Variants in NEMF observed in about 807,000 individuals in gnomAD.
NEMF encodes nuclear export mediator factor.
NEMF carries 89 observed loss-of-function variants against 162.2 expected under a neutral mutation model. The observed-to-expected ratio is 0.55, with a 90% confidence interval of 0.46 to 0.65. The LOEUF (loss-of-function observed/expected upper bound fraction) is 0.65, where lower values mean the gene tolerates loss of function less well. Among genes scored for constraint, NEMF ranks in the 30% least tolerant of loss-of-function variants. The pLI is 0.00. For missense variants in NEMF, 1,133 were observed against 1,261.9 expected (o/e 0.90, Z 1.55); for synonymous variants, 421 against 404.5 (o/e 1.04, Z -0.49).
At chr14:49,832,004 T>C (rs1234340749) in intron 10 of NEMF, 47 bp downstream of exon 10, 3 of 1,295,844 alleles carry the variant, frequency 2.3e-6, no homozygotes, top group Non-Finnish European at 3.2e-6. Context: ...TATCAACAGC[T>C]CATATCATGC....
intron 4 of NEMF, among the ~76,000 whole-genome samples, chr14:49,845,243 C>T (rs1172947037): frequency 6.6e-6 from 1 of 152,110 alleles, no homozygotes; most frequent in Non-Finnish European, 1.5e-5. Context: ...TAGGTGCCCG[C>T]CACCACGCCC....
At chr14:49,804,589 C>T (rs1594747801) in intron 19 of NEMF, among the ~76,000 whole-genome samples, 1 of 151,940 alleles carries the variant, frequency 6.6e-6, no homozygotes, top group Non-Finnish European at 1.5e-5. Flanking sequence ...TTGCTTGAAC[C>T]CAGGAGGCAG....
At chr14:49,842,485 G>A (rs1019767511) in intron 4 of NEMF, among the ~76,000 whole-genome samples, 30 of 152,292 alleles carry the variant, frequency 2.0e-4, no homozygotes, top group East Asian at 3.9e-4. Flanking sequence ...ATTTATTACT[G>A]ACAGTGAAGA....
intron 16 of NEMF, among the ~76,000 whole-genome samples, chr14:49,821,903 T>C (rs1892081105): frequency 6.6e-6 from 1 of 152,002 alleles, no homozygotes; most frequent in Non-Finnish European, 1.5e-5. Flanking sequence ...AGAAATTGGA[T>C]GGTTGCTGTG....
At position 49,813,749 on chromosome 14, in the gene NEMF, G is replaced by A. The variant is rs992672104; in HGVS notation, c.1744+239C>T. Among the ~76,000 whole-genome samples, 4 of 151,854 alleles carry A rather than the reference G, an allele frequency of 2.6e-5. No individual in the cohort carries two copies. In the South Asian group the frequency reaches 6.2e-4, roughly 24 times the overall value. On this transcript the variant is annotated intron_variant, in intron 18 of 32. Coordinates refer to ENST00000298310, the MANE Select transcript of NEMF (RefSeq NM_004713.6). The stretch of plus-strand genomic sequence containing the variant: ...GCTTTCTGTAGCTGGGACTACAGGT[G>A]CATGCCACTGCACCCAGCTTTTTAA...
chr14:49,829,077 T>G lies in NEMF; in HGVS notation c.1209A>C (p.Thr403=). Residue 403 remains threonine (T), a synonymous_variant, in exon 13 of 33, where the codon ACA becomes ACC. Coordinates refer to ENST00000298310, the MANE Select transcript of NEMF (RefSeq NM_004713.6). Reference sequence around the variant, plus strand: ...ACCTTAGCAGCATTGTAACATGGTTTGTTTGTAGTTTTAATTCTTTGATTG... The same window carrying G: ...ACCTTAGCAGCATTGTAACATGGTTGGTTTGTAGTTTTAATTCTTTGATTG... ...ASAIKELKLQ[T]NHVTMLLRNP... 5.0e-6 allele frequency: 8 copies of G among 1,614,114 alleles called. No homozygotes were observed. Among genetic ancestry groups the G allele is most frequent in the Non-Finnish European group, 6.8e-6 (8 of 1,179,950 alleles).
rs545544384 is a variant in NEMF at position 49,826,236 on chromosome 14, C to T, written c.1489-281G>A. On this transcript the variant is annotated intron_variant, in intron 15 of 32. Transcript: ENST00000298310. The stretch of plus-strand genomic sequence containing the variant: ...TAAATACCTTGTCATTTTCTAGATA[C>T]TGAGTACCTATCATATGCTTGGTTC... Among the ~76,000 whole-genome samples the T allele has an allele frequency of 8.5e-5, 13 of 152,210 alleles. No individual in the cohort carries two copies. The South Asian group carries it at 2.3e-3, about 27-fold the overall frequency.
chr14:49,810,107 G>T (rs990244353), intron 18 of NEMF, among the ~76,000 whole-genome samples: 6 of 152,090 alleles, frequency 3.9e-5, no homozygotes, highest in Non-Finnish European at 8.8e-5. Flanking sequence ...GGTGGCTCGT[G>T]CCTGTAATCC....
At position 49,782,563 on chromosome 14, in the gene NEMF, A is replaced by ATATT; in HGVS notation, c.*2069_*2072dup. On this transcript the variant is annotated 3_prime_UTR_variant, in exon 33 of 33. Transcript: ENST00000298310. ...TCAGGCACACAGTAATGAAATACTA[A>ATATT]TATTTTCAGTTCAACCAAAATCTCT... 17 of 1,607,750 alleles carry ATATT rather than the reference A, an allele frequency of 1.1e-5. No individual in the cohort carries two copies. The highest frequency in any genetic ancestry group is 1.4e-5 in the Non-Finnish European group (17 of 1,176,020).
chr14:49,850,205 T>C (rs1207565110), intron 3 of NEMF, among the ~76,000 whole-genome samples: 10 of 152,010 alleles, frequency 6.6e-5, no homozygotes, highest in Admixed American at 6.6e-4. Context: ...CAGGTTCAAG[T>C]GGTTCTCCTG....
intron 26 of NEMF, among the ~76,000 whole-genome samples, chr14:49,794,603 A>G (rs1425458169): frequency 2.7e-5 from 4 of 149,632 alleles, no homozygotes; most frequent in African/African-American, 9.9e-5. Context: ...TGGGCAACAG[A>G]GCAAGACCCT....
intron 16 of NEMF, among the ~76,000 whole-genome samples, chr14:49,822,502 CAG>C (rs1892123869): frequency 6.7e-6 from 1 of 150,302 alleles, no homozygotes; most frequent in Admixed American, 6.6e-5. Flanking sequence ...ACATGGGCAA[CAG>C]AGCTAGGACT....
rs764495128 is a variant in NEMF at position 49,800,669 on chromosome 14, T to A, written c.2123A>T (p.Asp708Val). 9.6e-5 allele frequency: 155 copies of A among 1,613,798 alleles called. No individual in the cohort carries two copies. In the Admixed American group the frequency reaches 2.5e-3, roughly 26 times the overall value. ...LDGGDTSSDE[D>V]KEEHETPVEV... ...CACAGGAGTTTCATGTTCTTCTTTA[T>A]CCTCATCACTGCTCGTGTCACCTCC... Residue 708 changes from aspartate (D) to valine (V), a missense_variant, in exon 23 of 33, where the codon GAT becomes GTT. Transcript: ENST00000298310.
chr14:49,799,233 A>AAAC (rs1890840079), intron 25 of NEMF, among the ~76,000 whole-genome samples: 1 of 146,628 alleles, frequency 6.8e-6, no homozygotes, highest in Admixed American at 6.8e-5. Flanking sequence ...AAAAAAAAAA[A>AAAC]GGAAAATGTT....
At chr14:49,810,389 A>T (rs926543941) in intron 18 of NEMF, among the ~76,000 whole-genome samples, 28 of 152,176 alleles carry the variant, frequency 1.8e-4, no homozygotes, top group African/African-American at 6.7e-4. Flanking sequence ...ACAAAAAATT[A>T]AAAAAAGAAA....
At chr14:49,810,024 C>T (rs1001997177) in intron 18 of NEMF, among the ~76,000 whole-genome samples, 7 of 152,060 alleles carry the variant, frequency 4.6e-5, no homozygotes, top group Non-Finnish European at 8.8e-5. Flanking sequence ...AATCACTATA[C>T]ATTCTGCTCA....
At chr14:49,844,047 T>C (rs889645497) in intron 4 of NEMF, among the ~76,000 whole-genome samples, 1 of 150,310 alleles carries the variant, frequency 6.7e-6, no homozygotes, top group East Asian at 2.0e-4. Flanking sequence ...TGCAGTGAGC[T>C]GAGATCACAC....
At chr14:49,826,628 G>C (rs1240259931) in intron 15 of NEMF, among the ~76,000 whole-genome samples, 1 of 150,666 alleles carries the variant, frequency 6.6e-6, no homozygotes, top group Non-Finnish European at 1.5e-5. Flanking sequence ...GCAATAGACA[G>C]AGGGCCAAGT....
At chr14:49,842,739 G>C (rs952586680) in intron 4 of NEMF, among the ~76,000 whole-genome samples, 2 of 152,228 alleles carry the variant, frequency 1.3e-5, no homozygotes, top group Non-Finnish European at 2.9e-5. Context: ...AGGCGCAGTG[G>C]CTCACGCCTG....
Sources: allele counts gnomAD v4.1 joint callset (sites outside exome capture counted in the v4.1 genomes callset), GRCh38; gene constraint gnomAD v4.1.1; transcripts MANE v1.5; gene names NCBI Gene and HGNC (gene_info 2026-07-23, HGNC 2026-07-21).